The following HLCS variants were observed in gnomAD, a reference collection of about 807,000 sequenced individuals.
HLCS encodes the protein biotin--protein ligase.
HLCS carries 53 observed loss-of-function variants against 75.0 expected under a neutral mutation model. That is an observed-to-expected ratio of 0.71 (90% CI 0.57 to 0.89). HLCS has a LOEUF of 0.89. Among genes scored for constraint, HLCS ranks in the 40% least tolerant of loss-of-function variants. The pLI is 0.00. For missense variants in HLCS, 966 were observed against 1,074.0 expected (o/e 0.90, Z 1.41); for synonymous variants, 431 against 428.6 (o/e 1.01, Z -0.07).
At chr21:36,963,996 C>T (rs1029264112) in intron 1 of HLCS, among the ~76,000 whole-genome samples, 32 of 152,066 alleles carry the variant, frequency 2.1e-4, no homozygotes, top group African/African-American at 6.3e-4. Context: ...CCAAGGTGGG[C>T]GGATCACCTG....
At chr21:36,880,764 C>A (rs1445404116) in intron 6 of HLCS, among the ~76,000 whole-genome samples, 1 of 152,122 alleles carries the variant, frequency 6.6e-6, no homozygotes, top group African/African-American at 2.4e-5. Context: ...ACATCGAAAT[C>A]CAAAATGTCA....
At chr21:36,901,475 G>A (rs1342583396) in intron 5 of HLCS, among the ~76,000 whole-genome samples, 2 of 152,196 alleles carry the variant, frequency 1.3e-5, no homozygotes, top group African/African-American at 2.4e-5. Context: ...ACTACAAACC[G>A]GGTGGCTTGA....
intron 5 of HLCS, among the ~76,000 whole-genome samples, chr21:36,924,779 C>T (rs1839684903): frequency 1.3e-5 from 2 of 152,236 alleles, no homozygotes; most frequent in African/African-American, 4.8e-5. Flanking sequence ...GAAACTTCTG[C>T]AGCAAGGGCT....
At chr21:36,971,024 T>C (rs979105079), upstream of HLCS, among the ~76,000 whole-genome samples, 4 of 151,670 alleles carry the variant, frequency 2.6e-5, no homozygotes, top group South Asian at 4.1e-4. Context: ...AAGAAAATCT[T>C]GATCTCTATT....
intron 2 of HLCS, 119 bp downstream of exon 2, chr21:36,961,917 G>A (rs1240970167): frequency 1.9e-6 from 1 of 517,948 alleles, no homozygotes. Context: ...TCACACCACT[G>A]CACTCCAGCC....
chr21:36,966,955 G>C (rs1395414584), upstream of HLCS, among the ~76,000 whole-genome samples: 1 of 151,614 alleles, frequency 6.6e-6, no homozygotes, highest in African/African-American at 2.4e-5. Flanking sequence ...GGCTGCACCC[G>C]GAGAGGGGGC....
intron 6 of HLCS, among the ~76,000 whole-genome samples, chr21:36,846,400 TCCA>T (rs550048336): frequency 4.6e-5 from 7 of 152,322 alleles, no homozygotes; most frequent in African/African-American, 1.7e-4. Context: ...CTTTGGGACC[TCCA>T]CCAAGACATT....
At chr21:36,934,842 A>G (rs2066806775) in intron 4 of HLCS, among the ~76,000 whole-genome samples, 3 of 152,212 alleles carry the variant, frequency 2.0e-5, no homozygotes, top group Admixed American at 2.0e-4. Context: ...TCACAGAGAC[A>G]CAGGCCTGTG....
chr21:36,871,986 C>G (rs2063785781), intron 6 of HLCS, among the ~76,000 whole-genome samples: 1 of 152,180 alleles, frequency 6.6e-6, no homozygotes, highest in Non-Finnish European at 1.5e-5. Flanking sequence ...ACTGACCACA[C>G]CAAATATTGG....
chr21:36,759,191 G>C (rs751055741), intron 9 of HLCS: 3 of 470,924 alleles, frequency 6.4e-6, no homozygotes, highest in Non-Finnish European at 1.3e-5. Context: ...ATGACTGGAC[G>C]GCCAGGAACC....
In HLCS at chr21:36,936,838, C is replaced by A. The variant is rs758743895; in HGVS notation, c.1048G>T (p.Asp350Tyr). 3 of 1,614,168 alleles carry A rather than the reference C, an allele frequency of 1.9e-6. No individual in the cohort carries two copies. The South Asian group carries it at 3.3e-5, about 18-fold the overall frequency. The stretch of plus-strand genomic sequence containing the variant: ...GTCCACGGGTCTCTGAGAGCACTGT[C>A]CTCCAGCAGGTGGTAGAGAATATAA... ...DSYILYHLLE[D>Y]SALRDPWTDN... The change falls in exon 4 of 11, where the codon GAC (aspartate) becomes TAC (tyrosine). Residue 350 changes from aspartate to tyrosine, a missense_variant. Physicochemically the swap from Asp to Tyr is radical, Grantham distance 160. Coordinates refer to ENST00000674895, the MANE Select transcript of HLCS (RefSeq NM_001352514.2).
At position 36,751,453 on chromosome 21, in the gene HLCS, T is replaced by C. The variant is rs2089361518; in HGVS notation, c.*2793A>G. The C allele has an allele frequency of 6.6e-6, 1 of 152,360 alleles. No individual in the cohort carries two copies. The highest frequency in any genetic ancestry group is 2.1e-4 in the South Asian group (1 of 4,838). The allele number at this position is 152,360 out of a possible 1,614,324, so 9.4% of individuals were successfully genotyped here. On this transcript the variant is annotated 3_prime_UTR_variant, in exon 11 of 11. Transcript: ENST00000674895. The stretch of plus-strand genomic sequence containing the variant: ...GTGCGGGGAGGCTGGCTCCTCTCTT[T>C]GTTCCCAGACTCCAGGGCAAGGGGC...
chr21:36,776,635 G>A (rs1299762515), intron 6 of HLCS, among the ~76,000 whole-genome samples: 4 of 151,990 alleles, frequency 2.6e-5, no homozygotes, highest in Non-Finnish European at 2.9e-5. Context: ...GGCTGGTCTC[G>A]AACTCCTGAC....
chr21:36,946,105 C>G (rs77067023), intron 2 of HLCS: 1 of 985,190 alleles, frequency 1.0e-6, no homozygotes, highest in East Asian at 1.1e-4. Context: ...TCCTTTAGAG[C>G]AAGTAACCTC....
At chr21:36,837,441 A>C (rs1465402480) in intron 6 of HLCS, among the ~76,000 whole-genome samples, 1 of 152,154 alleles carries the variant, frequency 6.6e-6, no homozygotes, top group Non-Finnish European at 1.5e-5. Flanking sequence ...CACACAAAAA[A>C]CTTCATCTTG....
At chr21:36,886,434 A>G (rs1393521800) in intron 6 of HLCS, among the ~76,000 whole-genome samples, 1 of 23,892 alleles carries the variant, frequency 4.2e-5, no homozygotes, top group Non-Finnish European at 1.1e-4. Context: ...CTCCATCTCA[A>G]AAAAAAAAAA....
intron 2 of HLCS, among the ~76,000 whole-genome samples, chr21:36,942,298 G>A (rs1231336804): frequency 1.3e-5 from 2 of 151,388 alleles, no homozygotes; most frequent in East Asian, 1.9e-4. Context: ...GGCCAGGCTC[G>A]GAGGCTCACG....
intron 1 of HLCS, among the ~76,000 whole-genome samples, chr21:36,988,293 A>C (rs1350148620): frequency 6.6e-6 from 1 of 151,972 alleles, no homozygotes; most frequent in Non-Finnish European, 1.5e-5. Flanking sequence ...TGAATGTTTC[A>C]CACAAAAAGT....
At position 36,881,162 on chromosome 21, in the gene HLCS, G is replaced by T. The variant is rs188815127; in HGVS notation, c.1892+15698C>A. On this transcript the variant is annotated intron_variant, in intron 6 of 10. Coordinates refer to ENST00000674895, the MANE Select transcript of HLCS (RefSeq NM_001352514.2). ...TTTTTGTATTTTTAGTAGAGATGGG[G>T]TTTCACCATGTTGGCCAGGATGGTC... 6.8e-4 allele frequency among the ~76,000 whole-genome samples: 103 copies of T among 152,028 alleles called. 1 individual carries two copies. In the East Asian group the frequency reaches 0.019, roughly 27 times the overall value.
Sources: gnomAD v4.1 joint callset for allele counts (sites outside exome capture counted in the v4.1 genomes callset) on GRCh38, gnomAD v4.1.1 for gene constraint, MANE v1.5 for transcripts, NCBI Gene and HGNC (gene_info 2026-07-23, HGNC 2026-07-21) for gene names.